The following NRXN1 variants were observed in gnomAD, a reference collection of about 807,000 sequenced individuals.
NRXN1 encodes neurexin 1.
In NRXN1, 39 loss-of-function variants were observed where a neutral mutation model predicts 150.9. The observed-to-expected ratio is 0.26, with a 90% CI of 0.20 to 0.34. The LOEUF is 0.34. Ranked by LOEUF, NRXN1 falls within the 10% of genes least tolerant of loss-of-function variation. The pLI is 1.00. For synonymous variants in NRXN1, 924 were observed against 757.0 expected (o/e 1.22, Z -3.62); for missense variants, 1,815 against 1,949.9 (o/e 0.93, Z 1.30).
intron 21 of NRXN1, among the ~76,000 whole-genome samples, chr2:50,026,494 G>C (rs2152563930): frequency 6.6e-6 from 1 of 152,266 alleles, no homozygotes; most frequent in South Asian, 2.1e-4. Flanking sequence ...CTGGCAATGT[G>C]AGATTTATTT....
chr2:50,732,114 T>C (rs1436591035), intron 5 of NRXN1, among the ~76,000 whole-genome samples: 1 of 152,172 alleles, frequency 6.6e-6, no homozygotes, highest in African/African-American at 2.4e-5. Context: ...AAAGCACATG[T>C]ACTTTCTTAG....
At chr2:50,818,985 C>T (rs1201953131) in intron 5 of NRXN1, among the ~76,000 whole-genome samples, 2 of 151,990 alleles carry the variant, frequency 1.3e-5, no homozygotes, top group African/African-American at 4.8e-5. Context: ...CGATATCAAC[C>T]GACACCTGTT....
chr2:50,916,773 T>C (rs1254302536), intron 5 of NRXN1: 2 of 151,806 alleles, frequency 1.3e-5, no homozygotes, highest in South Asian at 2.1e-4. Flanking sequence ...GTTTAAGGAA[T>C]GTATAATGAC....
chr2:50,264,745 C>T (rs987672223), intron 17 of NRXN1, among the ~76,000 whole-genome samples: 2 of 151,896 alleles, frequency 1.3e-5, no homozygotes, highest in Non-Finnish European at 1.5e-5. Context: ...TCTGTACACA[C>T]GGCAGGAAGA....
intron 18 of NRXN1, among the ~76,000 whole-genome samples, chr2:50,154,718 C>T (rs1193227588): frequency 6.6e-6 from 1 of 151,612 alleles, no homozygotes; most frequent in Non-Finnish European, 1.5e-5. Flanking sequence ...AAAAGGTATT[C>T]TGCAGATATA....
intron 17 of NRXN1, among the ~76,000 whole-genome samples, chr2:50,373,679 A>AAAGAAGGAAAGAAAGAGAGAAAGAAAG (rs1553513456): frequency 3.0e-5 from 2 of 65,638 alleles, no homozygotes; most frequent in Non-Finnish European, 6.0e-5. Flanking sequence ...AGAAAGAAAG[A>AAAGAAGGAAAGAAAGAGAGAAAGAAAG]AAAGAAAGAA....
chr2:50,357,874 G>T (rs2078931141), intron 17 of NRXN1, among the ~76,000 whole-genome samples: 1 of 152,128 alleles, frequency 6.6e-6, no homozygotes, highest in Non-Finnish European at 1.5e-5. Flanking sequence ...TTCAACTAAG[G>T]TACCTGGTTC....
chr2:50,415,036 T>C (rs1043172941), intron 17 of NRXN1, among the ~76,000 whole-genome samples: 1 of 152,076 alleles, frequency 6.6e-6, no homozygotes, highest in African/African-American at 2.4e-5. Flanking sequence ...ATGACATGGA[T>C]CAGGCACATT....
intron 8 of NRXN1, among the ~76,000 whole-genome samples, chr2:50,582,478 CAAAAAAA>C (rs56941425): frequency 1.4e-4 from 6 of 44,222 alleles, no homozygotes; most frequent in African/African-American, 2.2e-4. Flanking sequence ...GACTCGTCTC[CAAAAAAA>C]AAAAAAAAAA....
At chr2:50,496,617 GCTTTT>G (rs1234972934) in intron 14 of NRXN1, among the ~76,000 whole-genome samples, 2 of 152,192 alleles carry the variant, frequency 1.3e-5, no homozygotes, top group Middle Eastern at 3.4e-3. Context: ...ATGTCACAGT[GCTTTT>G]CTTTTCTTTT....
rs575483735 is a variant in NRXN1, at chr2:50,235,851, A to G, written c.3546+938T>C. On this transcript the variant is annotated intron_variant, in intron 18 of 22. Coordinates refer to ENST00000401669, the MANE Select transcript of NRXN1 (RefSeq NM_001330078.2). The stretch of plus-strand genomic sequence containing the variant: ...TACCTGTTTCTTCTGAAATCTTCCA[A>G]AAGATAGACTTTAGACCAAGAACTA... 2.4e-3 allele frequency among the ~76,000 whole-genome samples: 359 copies of G among 152,198 alleles called. 1 individual carries two copies. The highest frequency in any genetic ancestry group is 8.3e-3 in the African/African-American group (343 of 41,560).
intron 5 of NRXN1, among the ~76,000 whole-genome samples, chr2:50,699,341 A>C (rs1201076651): frequency 2.6e-5 from 4 of 152,194 alleles, no homozygotes; most frequent in Non-Finnish European, 5.9e-5. Context: ...GATCCTGTGA[A>C]TATGTCCTTA....
intron 17 of NRXN1, among the ~76,000 whole-genome samples, chr2:50,407,748 G>C (rs115323320): frequency 1.3e-5 from 2 of 151,988 alleles, no homozygotes; most frequent in Non-Finnish European, 2.9e-5. Flanking sequence ...AGAGACCTCC[G>C]CAGCAAAAAG....
At chr2:50,455,607 A>G (rs150377992) in intron 17 of NRXN1, among the ~76,000 whole-genome samples, 10 of 152,282 alleles carry the variant, frequency 6.6e-5, no homozygotes, top group African/African-American at 2.4e-4. Context: ...CTAAGAGGAA[A>G]TGGTATTTCT....
intron 21 of NRXN1, among the ~76,000 whole-genome samples, chr2:49,995,591 C>T (rs574190865): frequency 2.0e-5 from 3 of 151,368 alleles, no homozygotes; most frequent in Admixed American, 1.3e-4. Flanking sequence ...ACCATCCTGG[C>T]TAACATGGTG....
chr2:50,936,371 T>C (rs1688545698), intron 2 of NRXN1, among the ~76,000 whole-genome samples: 1 of 152,160 alleles, frequency 6.6e-6, no homozygotes, highest in Non-Finnish European at 1.5e-5. Flanking sequence ...GACTCAGTAC[T>C]ATCTTATATC....
At chr2:50,437,686 A>G (rs2104423620) in intron 17 of NRXN1, among the ~76,000 whole-genome samples, 1 of 150,250 alleles carries the variant, frequency 6.7e-6, no homozygotes, top group Middle Eastern at 3.4e-3. Context: ...CTACTTCATG[A>G]TACAGGGAGT....
chr2:50,848,043 T>A (rs1321731493), intron 5 of NRXN1, among the ~76,000 whole-genome samples: 1 of 152,070 alleles, frequency 6.6e-6, no homozygotes, highest in East Asian at 1.9e-4. Flanking sequence ...ATCTAATGGA[T>A]CTGGTTAACA....
intron 5 of NRXN1, among the ~76,000 whole-genome samples, chr2:50,687,010 T>C (rs1464101162): frequency 6.6e-6 from 1 of 152,188 alleles, no homozygotes; most frequent in Non-Finnish European, 1.5e-5. Flanking sequence ...ACTTATCAAT[T>C]GCCTCAACTT....
Sources: gnomAD v4.1 joint callset for allele counts (sites outside exome capture counted in the v4.1 genomes callset) on GRCh38, gnomAD v4.1.1 for gene constraint, MANE v1.5 for transcripts, NCBI Gene and HGNC (gene_info 2026-07-23, HGNC 2026-07-21) for gene names.